Variants in KIF26B observed in about 807,000 individuals in gnomAD.
The protein encoded by KIF26B is kinesin family member 26B, also known as kinesin-like protein KIF26B.
KIF26B carries 63 observed loss-of-function variants against 151.2 expected under a neutral mutation model. That is an observed-to-expected ratio of 0.42 (90% CI 0.34 to 0.51). The LOEUF is 0.51. KIF26B is among the 20% of genes least tolerant of loss of function. The probability of loss-of-function intolerance (pLI) is 0.07; values close to 1 mark genes in which losing one functional copy is unlikely to be tolerated. For missense variants in KIF26B, 2,813 were observed against 2,913.6 expected, an observed-to-expected ratio of 0.97 and a Z score of 0.79; for synonymous variants, 1,357 against 1,262.1, an observed-to-expected ratio of 1.08 and a Z score of -1.59.
chr1:245,403,581 T>C (rs1169162805), intron 3 of KIF26B, among the ~76,000 whole-genome samples: 1 of 151,820 alleles, frequency 6.6e-6, no homozygotes, highest in East Asian at 1.9e-4. Flanking sequence ...TCCACGTGCA[T>C]GCGTGTGTGT....
intron 2 of KIF26B, among the ~76,000 whole-genome samples, chr1:245,347,884 A>G (rs959795295): frequency 2.6e-5 from 4 of 152,244 alleles, no homozygotes; most frequent in African/African-American, 9.6e-5. Context: ...TGTGCCAGTT[A>G]CTGTTCTAAG....
intron 2 of KIF26B, among the ~76,000 whole-genome samples, chr1:245,168,571 G>T (rs1459608292): frequency 6.6e-6 from 1 of 152,194 alleles, no homozygotes; most frequent in Non-Finnish European, 1.5e-5. Context: ...CTGCCATATT[G>T]ATTAGGATTT....
chr1:245,536,424 G>C (rs1661488811), intron 4 of KIF26B, among the ~76,000 whole-genome samples: 1 of 152,098 alleles, frequency 6.6e-6, no homozygotes, highest in African/African-American at 2.4e-5. Flanking sequence ...TTACATTCTA[G>C]AGGGGAAACA....
intron 2 of KIF26B, among the ~76,000 whole-genome samples, chr1:245,245,696 G>A (rs1011701661): frequency 1.3e-5 from 2 of 152,130 alleles, no homozygotes; most frequent in African/African-American, 4.8e-5. Flanking sequence ...ACTTTGGGAG[G>A]CCGAGGCGGG....
At chr1:245,676,201 C>T (rs972385264) in intron 10 of KIF26B, 30 of 152,150 alleles carry the variant, frequency 2.0e-4, no homozygotes, top group African/African-American at 6.5e-4. Flanking sequence ...TTTCTAATAT[C>T]GTACCTGAGT....
chr1:245,641,491 C>T (rs2043891290), intron 9 of KIF26B, among the ~76,000 whole-genome samples: 1 of 151,990 alleles, frequency 6.6e-6, no homozygotes, highest in Non-Finnish European at 1.5e-5. Flanking sequence ...GATGTTGGTC[C>T]ATAGGTCCCA....
intron 2 of KIF26B, among the ~76,000 whole-genome samples, chr1:245,229,029 C>T (rs1573721135): frequency 1.3e-5 from 2 of 152,130 alleles, no homozygotes; most frequent in South Asian, 4.1e-4. Flanking sequence ...TGCAATGATG[C>T]AATCTTGGCT....
At chr1:245,329,458 T>G (rs1672057712) in intron 2 of KIF26B, among the ~76,000 whole-genome samples, 1 of 152,210 alleles carries the variant, frequency 6.6e-6, no homozygotes, top group Non-Finnish European at 1.5e-5. Flanking sequence ...TATCTCTCCT[T>G]GGACTTGAAC....
intron 2 of KIF26B, among the ~76,000 whole-genome samples, chr1:245,328,296 C>T (rs944328275): frequency 6.6e-6 from 1 of 151,956 alleles, no homozygotes; most frequent in Non-Finnish European, 1.5e-5. Context: ...AGGGAATATG[C>T]TGGGACTAAG....
intron 10 of KIF26B, among the ~76,000 whole-genome samples, chr1:245,653,299 A>G (rs996619230): frequency 2.6e-5 from 4 of 152,276 alleles, no homozygotes; most frequent in Non-Finnish European, 5.9e-5. Context: ...AAGGGGTAGA[A>G]GTTCCTAATT....
chr1:245,473,667 C>G (rs1659965845), intron 4 of KIF26B, among the ~76,000 whole-genome samples: 1 of 151,930 alleles, frequency 6.6e-6, no homozygotes, highest in East Asian at 1.9e-4. Context: ...GCTCTAAATA[C>G]TTTCAAAAAT....
intron 9 of KIF26B, among the ~76,000 whole-genome samples, chr1:245,645,151 C>T (rs1400675996): frequency 1.3e-5 from 2 of 152,134 alleles, no homozygotes; most frequent in Non-Finnish European, 2.9e-5. Flanking sequence ...ACACCTCCCA[C>T]CAGGCCCCAT....
chr1:245,668,510 C>T (rs914346191), intron 10 of KIF26B, among the ~76,000 whole-genome samples: 1 of 152,142 alleles, frequency 6.6e-6, no homozygotes, highest in Non-Finnish European at 1.5e-5. Flanking sequence ...TGAGTTGTGG[C>T]TTCTGTGTAA....
At chr1:245,612,670 C>T (rs959186153) in intron 9 of KIF26B, among the ~76,000 whole-genome samples, 7 of 152,168 alleles carry the variant, frequency 4.6e-5, no homozygotes, top group African/African-American at 7.2e-5. Flanking sequence ...CAAAGCACTC[C>T]GGCAGTGTGT....
intron 5 of KIF26B, among the ~76,000 whole-genome samples, chr1:245,580,954 A>G (rs1184600394): frequency 1.3e-5 from 2 of 152,250 alleles, no homozygotes; most frequent in African/African-American, 4.8e-5. Context: ...TTGTTCTGCT[A>G]TTAGAATGAC....
At chr1:245,519,069 C>T (rs1661030962) in intron 4 of KIF26B, among the ~76,000 whole-genome samples, 1 of 152,088 alleles carries the variant, frequency 6.6e-6, no homozygotes, top group Non-Finnish European at 1.5e-5. Context: ...AAATAATACA[C>T]ATAGGAAGTT....
chr1:245,698,550 G>A lies in KIF26B; in HGVS notation c.6027+242G>A, dbSNP rs1327081176. Reference sequence around the variant, plus strand: ...AGGGCTTCAAAGCCAGGGGTCGGGGGCTGGTGATCTTGGGGGCTTTTCTGG... The same window carrying A: ...AGGGCTTCAAAGCCAGGGGTCGGGGACTGGTGATCTTGGGGGCTTTTCTGG... On this transcript the variant is annotated intron_variant, in intron 13 of 14. Coordinates refer to ENST00000407071, the MANE Select transcript of KIF26B (RefSeq NM_018012.4). The surrounding 1 kb of genome is among the most constrained non-coding windows in gnomAD (Gnocchi z 4.0). Among the ~76,000 whole-genome samples the A allele has an allele frequency of 6.6e-6, 1 of 152,222 alleles. No homozygotes were observed. Among genetic ancestry groups the A allele is most frequent in the African/African-American group, 2.4e-5 (1 of 41,462 alleles).
intron 4 of KIF26B, among the ~76,000 whole-genome samples, chr1:245,462,267 A>C (rs930959128): frequency 6.6e-6 from 1 of 152,196 alleles, no homozygotes; most frequent in Non-Finnish European, 1.5e-5. Context: ...AATTCCATTG[A>C]GAATGGAGGG....
chr1:245,482,160 C>T (rs372843426), intron 4 of KIF26B, among the ~76,000 whole-genome samples: 8 of 151,884 alleles, frequency 5.3e-5, no homozygotes, highest in African/African-American at 1.4e-4. Context: ...GGCACGATCT[C>T]GGCTCCCTGC....
Sources: gnomAD v4.1 joint callset for allele counts (sites outside exome capture counted in the v4.1 genomes callset) on GRCh38, gnomAD v4.1.1 for gene constraint, Gnocchi (gnomAD v3.1) non-coding constraint, MANE v1.5 for transcripts, NCBI Gene and HGNC (gene_info 2026-07-23, HGNC 2026-07-21) for gene names.